Variants in CHN2 observed in about 807,000 individuals in gnomAD.
CHN2 encodes the protein chimerin 2.
A neutral mutation model predicts 56.3 loss-of-function variants in CHN2; 35 were observed. That is an observed-to-expected ratio of 0.62 (90% CI 0.47 to 0.82). CHN2 has a LOEUF of 0.82. Ranked by LOEUF, CHN2 falls within the 40% of genes least tolerant of loss-of-function variation. The pLI is 0.00. For synonymous variants in CHN2, 210 were observed against 212.8 expected (o/e 0.99, Z 0.12); for missense variants, 491 against 580.5 (o/e 0.85, Z 1.58).
At chr7:29,329,338 C>T (rs1585072582) in intron 1 of CHN2, among the ~76,000 whole-genome samples, 1 of 129,456 alleles carries the variant, frequency 7.7e-6, no homozygotes, top group African/African-American at 3.0e-5. Flanking sequence ...TTTAACTCCT[C>T]CTTACCTTCC....
At chr7:29,455,805 C>T (rs1278807653) in intron 6 of CHN2, among the ~76,000 whole-genome samples, 1 of 152,148 alleles carries the variant, frequency 6.6e-6, no homozygotes, top group Non-Finnish European at 1.5e-5. Context: ...CCCCAGCCCG[C>T]GTGGGAACCT....
chr7:29,176,402 T>C (rs1416774089), intron 2 of CHN2, among the ~76,000 whole-genome samples: 1 of 152,090 alleles, frequency 6.6e-6, no homozygotes, highest in East Asian at 1.9e-4. Flanking sequence ...ACTAGATTAA[T>C]AGTGGACTTC....
chr7:29,459,924 C>A lies in CHN2; in HGVS notation c.577-20355C>A, dbSNP rs555678980. ...GCAGGACGGGGAGGAGGCATCGAGACAATAGAATACAATAGGCGTTCTCTG... is the reference window on the plus strand; with the variant it reads ...GCAGGACGGGGAGGAGGCATCGAGAAAATAGAATACAATAGGCGTTCTCTG... On this transcript the variant is annotated intron_variant, in intron 6 of 12. Transcript: ENST00000222792. Among the ~76,000 whole-genome samples, 5 of 152,296 alleles carry A rather than the reference C, an allele frequency of 3.3e-5. No individual in the cohort carries two copies. The East Asian group carries it at 5.8e-4, about 18-fold the overall frequency.
chr7:29,511,643 T>G (rs1489869413), intron 12 of CHN2, among the ~76,000 whole-genome samples: 1 of 152,070 alleles, frequency 6.6e-6, no homozygotes, highest in Non-Finnish European at 1.5e-5. Flanking sequence ...TAATACTCAA[T>G]GGCTAATCCT....
At chr7:29,411,430 C>G (rs1055537137) in intron 6 of CHN2, among the ~76,000 whole-genome samples, 1 of 152,174 alleles carries the variant, frequency 6.6e-6, no homozygotes, top group African/African-American at 2.4e-5. Context: ...CTCCCCACCC[C>G]ACCCCCAGAG....
chr7:29,305,903 T>C (rs1220116338), intron 1 of CHN2, among the ~76,000 whole-genome samples: 1 of 147,482 alleles, frequency 6.8e-6, no homozygotes, highest in Non-Finnish European at 1.5e-5. Context: ...CCTCTCCTTT[T>C]CCCCATCCAA....
At chr7:29,438,626 C>T (rs12536833) in intron 6 of CHN2, among the ~76,000 whole-genome samples, 28,344 of 152,132 alleles carry the variant, frequency 0.19, 3,461 homozygotes, top group Non-Finnish European at 0.27. Context: ...CACATTTGCA[C>T]TCATATTAAG....
chr7:29,468,149 C>CCG (rs1554298259), intron 6 of CHN2, among the ~76,000 whole-genome samples: 2 of 109,870 alleles, frequency 1.8e-5, no homozygotes, highest in African/African-American at 3.4e-5. Context: ...CGCCCCCCCC[C>CCG]CCCCCCGCCC....
At chr7:29,361,238 A>G (rs2128031665) in intron 2 of CHN2, among the ~76,000 whole-genome samples, 1 of 152,342 alleles carries the variant, frequency 6.6e-6, no homozygotes, top group South Asian at 2.1e-4. Context: ...AATTTCTGTT[A>G]TATTCAACTC....
At position 29,510,361 on chromosome 7, in the gene CHN2, C is replaced by T. The variant is rs148533817; in HGVS notation, c.1235+955C>T. Among the ~76,000 whole-genome samples, 587 of 152,206 alleles carry T rather than the reference C, an allele frequency of 3.9e-3. 2 individuals are homozygous for T. The highest frequency in any genetic ancestry group is 5.6e-3 in the Admixed American group (85 of 15,294). ...GGCTGAGACAGGAGAATTGCTTGAACCCGGGAGACGAAGGCTGCAGTGAGC... is the reference window on the plus strand; with the variant it reads ...GGCTGAGACAGGAGAATTGCTTGAATCCGGGAGACGAAGGCTGCAGTGAGC... On this transcript the variant is annotated intron_variant, in intron 12 of 12. Transcript: ENST00000222792.
intron 1 of CHN2, among the ~76,000 whole-genome samples, chr7:29,334,776 A>G (rs1330089708): frequency 6.6e-6 from 1 of 152,120 alleles, no homozygotes; most frequent in Non-Finnish European, 1.5e-5. Context: ...ACAAACAACA[A>G]CAAAAAAGGA....
At chr7:29,452,217 TCTG>T (rs1450007808) in intron 6 of CHN2, among the ~76,000 whole-genome samples, 1 of 152,212 alleles carries the variant, frequency 6.6e-6, no homozygotes, top group Admixed American at 6.5e-5. Context: ...CTAGTTTGCT[TCTG>T]CTGTCATTCT....
In CHN2 at chr7:29,407,752, G is replaced by A. The variant is rs138402121; in HGVS notation, c.576+6924G>A. ...TAACTTAGATTACATCCGCTCATGA[G>A]ACTGGGTTTTGCCAAGCATTGTTTT... On this transcript the variant is annotated intron_variant, in intron 6 of 12. Transcript: ENST00000222792. 5.6e-3 allele frequency among the ~76,000 whole-genome samples: 860 copies of A among 152,318 alleles called. 5 individuals are homozygous for A. The highest frequency in any genetic ancestry group is 0.019 in the African/African-American group (800 of 41,572).
At chr7:29,203,421 T>A (rs1314702972) in intron 1 of CHN2, among the ~76,000 whole-genome samples, 1 of 138,428 alleles carries the variant, frequency 7.2e-6, no homozygotes, top group African/African-American at 2.8e-5. Context: ...GAGCAGAGAT[T>A]GCGCCATTGC....
At chr7:29,186,311 C>A (rs1279682967) in intron 2 of CHN2, 3 of 152,150 alleles carry the variant, frequency 2.0e-5, no homozygotes, top group Non-Finnish European at 4.4e-5. Flanking sequence ...GTAGGCCATG[C>A]GTGTTGGCTC....
intron 1 of CHN2, among the ~76,000 whole-genome samples, chr7:29,328,438 T>A (rs1795973649): frequency 6.6e-6 from 1 of 151,848 alleles, no homozygotes; most frequent in Non-Finnish European, 1.5e-5. Flanking sequence ...TAACTTGGGC[T>A]GAATTTATAT....
chr7:29,447,280 A>G (rs1345332072), intron 6 of CHN2, among the ~76,000 whole-genome samples: 1 of 152,238 alleles, frequency 6.6e-6, no homozygotes, highest in Non-Finnish European at 1.5e-5. Flanking sequence ...GATCCAAATC[A>G]AACCTTTAGA....
intron 3 of CHN2, among the ~76,000 whole-genome samples, chr7:29,377,490 T>TA (rs1472869372): frequency 6.6e-6 from 1 of 152,244 alleles, no homozygotes; most frequent in African/African-American, 2.4e-5. Flanking sequence ...TTAATGAAAA[T>TA]ACTAAATTCA....
chr7:29,297,820 C>A (rs1015932856), intron 1 of CHN2, among the ~76,000 whole-genome samples: 2 of 152,050 alleles, frequency 1.3e-5, no homozygotes, highest in African/African-American at 4.8e-5. Flanking sequence ...ACACGATTAC[C>A]TATCTGTGAA....
Sources: allele counts gnomAD v4.1 joint callset (sites outside exome capture counted in the v4.1 genomes callset), GRCh38; gene constraint gnomAD v4.1.1; transcripts MANE v1.5; gene names NCBI Gene and HGNC (gene_info 2026-07-23, HGNC 2026-07-21).